SGCZ: variants seen among roughly 807,000 people sequenced by gnomAD.
SGCZ encodes the protein zeta-sarcoglycan.
Under a neutral mutation model 41.3 loss-of-function variants are expected in SGCZ, and 40 were observed. The ratio of observed to expected loss-of-function variants is 0.97; its 90% confidence interval spans 0.75 to 1.26. SGCZ has a LOEUF of 1.26. Among genes scored for constraint, SGCZ ranks in the 50% most tolerant of loss-of-function variants. The pLI, the probability that SGCZ is intolerant of heterozygous loss-of-function variation, is 0.00. For missense variants in SGCZ, 552 were observed against 369.8 expected (o/e 1.49, Z -4.04); for synonymous variants, 206 against 137.5 (o/e 1.50, Z -3.49).
chr8:14,554,628 T>G, intron 2 of SGCZ, 104 bp downstream of exon 2: 1 of 950,402 alleles, frequency 1.1e-6, no homozygotes, highest in Non-Finnish European at 1.5e-6. Context: ...AACACACACT[T>G]GTAAATATTG....
intron 5 of SGCZ, among the ~76,000 whole-genome samples, chr8:14,143,007 A>C (rs911488255): frequency 6.6e-6 from 1 of 151,910 alleles, no homozygotes; most frequent in African/African-American, 2.4e-5. Context: ...ATTAAAAAAA[A>C]AAAAAGAATC....
At chr8:14,823,016 T>C (rs1172049925) in intron 1 of SGCZ, among the ~76,000 whole-genome samples, 1 of 135,198 alleles carries the variant, frequency 7.4e-6, no homozygotes, top group Non-Finnish European at 1.5e-5. Context: ...ATCGCGCCAC[T>C]GCACTCCAGC....
chr8:14,660,424 T>A (rs1318073361), intron 1 of SGCZ, among the ~76,000 whole-genome samples: 3 of 151,380 alleles, frequency 2.0e-5, no homozygotes, highest in African/African-American at 7.3e-5. Context: ...ATACTCAAAT[T>A]AGCCAGGCGT....
intron 1 of SGCZ, among the ~76,000 whole-genome samples, chr8:14,946,581 T>G (rs944713069): frequency 1.3e-5 from 2 of 152,040 alleles, no homozygotes; most frequent in African/African-American, 4.8e-5. Flanking sequence ...CCTGGCACAA[T>G]GTATGCATAC....
rs1231558607 is a variant in SGCZ at position 14,986,592 on chromosome 8, T to TTA, written c.39+250991_39+250992dup. ...TCTGAAATAGTATTTTAATGTTAAA[T>TTA]TATATATATATGCCAATTACACATT... On this transcript the variant is annotated intron_variant, in intron 1 of 7. Coordinates refer to ENST00000382080, the MANE Select transcript of SGCZ (RefSeq NM_139167.4). Among the ~76,000 whole-genome samples the TTA allele has an allele frequency of 2.0e-5, 3 of 152,012 alleles. No individual in the cohort carries two copies. In the East Asian group the frequency reaches 5.8e-4, roughly 29 times the overall value.
intron 1 of SGCZ, among the ~76,000 whole-genome samples, chr8:14,736,503 G>C (rs1799034858): frequency 6.6e-6 from 1 of 152,012 alleles, no homozygotes; most frequent in Admixed American, 6.6e-5. Context: ...CATAAGTTTT[G>C]AGGTGCAGGT....
At chr8:14,118,350 G>C (rs1802589057) in intron 5 of SGCZ, among the ~76,000 whole-genome samples, 1 of 152,078 alleles carries the variant, frequency 6.6e-6, no homozygotes, top group Non-Finnish European at 1.5e-5. Flanking sequence ...CATAATTGTT[G>C]GCCACATAAA....
intron 2 of SGCZ, among the ~76,000 whole-genome samples, chr8:14,418,456 T>C (rs1461645325): frequency 6.6e-6 from 1 of 151,966 alleles, no homozygotes; most frequent in Non-Finnish European, 1.5e-5. Flanking sequence ...TGTATTTGTC[T>C]TGCTGTCAGG....
intron 2 of SGCZ, among the ~76,000 whole-genome samples, chr8:14,439,914 T>G (rs772336116): frequency 7.0e-4 from 107 of 152,122 alleles, no homozygotes; most frequent in Non-Finnish European, 1.1e-3. Context: ...TCCATTATAT[T>G]GGTAACTGAC....
chr8:15,132,782 C>G (rs1452081523), intron 1 of SGCZ, among the ~76,000 whole-genome samples: 1 of 152,304 alleles, frequency 6.6e-6, no homozygotes, highest in East Asian at 1.9e-4. Flanking sequence ...TCCTCTCTCT[C>G]TTTCTCATTT....
chr8:14,999,692 G>A (rs1191932079), intron 1 of SGCZ, among the ~76,000 whole-genome samples: 1 of 152,146 alleles, frequency 6.6e-6, no homozygotes, highest in African/African-American at 2.4e-5. Flanking sequence ...TTACTCCGGA[G>A]CTTCTTCATA....
chr8:15,092,329 A>G (rs1377418273), intron 1 of SGCZ, among the ~76,000 whole-genome samples: 1 of 152,210 alleles, frequency 6.6e-6, no homozygotes, highest in Non-Finnish European at 1.5e-5. Context: ...TTAGAACTCC[A>G]TAATTAATAT....
At chr8:14,577,293 A>C (rs1158052770) in intron 1 of SGCZ, among the ~76,000 whole-genome samples, 2 of 152,104 alleles carry the variant, frequency 1.3e-5, no homozygotes, top group Non-Finnish European at 2.9e-5. Context: ...TAAATATTTC[A>C]ATTTTTATCT....
chr8:14,350,187 G>A (rs1279115921), intron 2 of SGCZ, among the ~76,000 whole-genome samples: 1 of 151,470 alleles, frequency 6.6e-6, no homozygotes, highest in African/African-American at 2.4e-5. Flanking sequence ...AAGATCTGGA[G>A]ACATTAATCT....
In SGCZ at chr8:15,227,925, AC is replaced by A. The variant is rs561747959; in HGVS notation, c.39+9659del. Among the ~76,000 whole-genome samples the A allele has an allele frequency of 4.3e-3, 654 of 152,334 alleles. 4 individuals carry two copies. The highest frequency in any genetic ancestry group is 0.015 in the African/African-American group (632 of 41,572). On this transcript the variant is annotated intron_variant, in intron 1 of 7. Transcript: ENST00000382080. ...AAGTCTATGAATGTCAAACCAATAT[AC>A]AGCACTATTTAATTGTTTGAGACAG...
chr8:15,183,749 G>C (rs914463153), intron 1 of SGCZ, among the ~76,000 whole-genome samples: 4 of 152,128 alleles, frequency 2.6e-5, no homozygotes, highest in Non-Finnish European at 4.4e-5. Flanking sequence ...ATAATTGCTA[G>C]AGATTTTGAT....
chr8:15,202,318 C>G (rs867848702), intron 1 of SGCZ, among the ~76,000 whole-genome samples: 1 of 151,982 alleles, frequency 6.6e-6, no homozygotes, highest in Admixed American at 6.6e-5. Context: ...ACTAGTCAGC[C>G]GTAAGAAGGA....
At chr8:14,276,255 T>C (rs891322500) in intron 3 of SGCZ, among the ~76,000 whole-genome samples, 2 of 152,162 alleles carry the variant, frequency 1.3e-5, no homozygotes, top group Admixed American at 6.5e-5. Context: ...GTGGTGTGTA[T>C]TTACTTGAGC....
chr8:15,083,874 G>A (rs1420186744), intron 1 of SGCZ, among the ~76,000 whole-genome samples: 1 of 152,138 alleles, frequency 6.6e-6, no homozygotes, highest in Non-Finnish European at 1.5e-5. Context: ...ATAAGCCACT[G>A]CACCTGGCCA....
Sources: gnomAD v4.1 joint callset for allele counts (sites outside exome capture counted in the v4.1 genomes callset) on GRCh38, gnomAD v4.1.1 for gene constraint, MANE v1.5 for transcripts, NCBI Gene and HGNC (gene_info 2026-07-23, HGNC 2026-07-21) for gene names.